OSBPL8: variants seen among roughly 807,000 people sequenced by gnomAD.
The protein encoded by OSBPL8 is oxysterol binding protein like 8, also known as oxysterol-binding protein-related protein 8.
A neutral mutation model predicts 125.5 loss-of-function variants in OSBPL8; 59 were observed. The observed-to-expected ratio is 0.47, with a 90% CI of 0.38 to 0.58. The LOEUF is 0.58. Ranked by LOEUF, OSBPL8 falls within the 20% of genes least tolerant of loss-of-function variation. OSBPL8 has a pLI of 0.00. For missense variants in OSBPL8, 758 were observed against 1,047.8 expected (o/e 0.72, Z 3.82); for synonymous variants, 330 against 338.9 (o/e 0.97, Z 0.29).
chr12:76,363,039 A>C (rs1206660489), intron 21 of OSBPL8, among the ~76,000 whole-genome samples: 1 of 152,244 alleles, frequency 6.6e-6, no homozygotes, highest in Non-Finnish European at 1.5e-5. Context: ...AGAGGACACA[A>C]ACAAATGGAA....
intron 4 of OSBPL8, among the ~76,000 whole-genome samples, chr12:76,442,968 TATC>T (rs1272418332): frequency 6.6e-6 from 1 of 152,178 alleles, no homozygotes; most frequent in South Asian, 2.1e-4. Flanking sequence ...GATATTGACT[TATC>T]ATATTTTTAG....
At chr12:76,546,375 T>C (rs1417867005) in intron 1 of OSBPL8, among the ~76,000 whole-genome samples, 3 of 152,172 alleles carry the variant, frequency 2.0e-5, no homozygotes, top group African/African-American at 7.2e-5. Flanking sequence ...AATGACAGGG[T>C]ATTTTTTTAA....
At chr12:76,400,658 T>C (rs1319984953) in intron 6 of OSBPL8, among the ~76,000 whole-genome samples, 2 of 152,168 alleles carry the variant, frequency 1.3e-5, no homozygotes, top group African/African-American at 2.4e-5. Context: ...TAAACCGCTG[T>C]AGAATTCCAG....
intron 1 of OSBPL8, among the ~76,000 whole-genome samples, chr12:76,551,196 A>G (rs1950926442): frequency 6.6e-6 from 1 of 152,186 alleles, no homozygotes; most frequent in South Asian, 2.1e-4. Context: ...CATGAACCTT[A>G]CCCAACCCCT....
intron 4 of OSBPL8, among the ~76,000 whole-genome samples, chr12:76,421,888 T>C (rs933557442): frequency 6.9e-6 from 1 of 144,858 alleles, no homozygotes; most frequent in Non-Finnish European, 1.6e-5. Flanking sequence ...GCCTAATAAA[T>C]ATAACCCTAA....
chr12:76,454,918 T>G (rs1445230451), intron 3 of OSBPL8, among the ~76,000 whole-genome samples: 2 of 151,998 alleles, frequency 1.3e-5, no homozygotes, highest in Non-Finnish European at 2.9e-5. Context: ...AGTCATGCCC[T>G]CTTGGGGCAG....
rs1873305781 is a variant in OSBPL8, at chr12:76,450,838, C to T, written c.217+13G>A. 6.3e-7 allele frequency: 1 copy of T among 1,590,506 alleles called. No homozygotes were observed. The highest frequency in any genetic ancestry group is 8.6e-7 in the Non-Finnish European group (1 of 1,169,066). On this transcript the variant is annotated intron_variant, in intron 4 of 23. Transcript: ENST00000261183. ...CAAAAACAAGACAAAACATGAAAAC[C>T]ACAACTTCCTACCCTGGCTATGAGG...
chr12:76,519,790 T>A (rs1019086237), intron 1 of OSBPL8, among the ~76,000 whole-genome samples: 2 of 152,072 alleles, frequency 1.3e-5, no homozygotes, highest in African/African-American at 4.8e-5. Context: ...CCCAGACTCT[T>A]TTAAACAACC....
At chr12:76,431,681 T>G (rs751918128) in intron 4 of OSBPL8, among the ~76,000 whole-genome samples, 1 of 152,170 alleles carries the variant, frequency 6.6e-6, no homozygotes, top group East Asian at 1.9e-4. Context: ...ATAAAATGGC[T>G]AATTCAATAG....
rs80080817 is a variant in OSBPL8, at chr12:76,540,276, A to C, written c.-68+19121T>G. On this transcript the variant is annotated intron_variant, in intron 1 of 23. Transcript: ENST00000261183. The stretch of plus-strand genomic sequence containing the variant: ...ATCACAAAATGAACACAAAAGGGTT[A>C]AGTGACTACTTGCCCAAGATCCCAG... Among the ~76,000 whole-genome samples, 538 of 152,284 alleles carry C rather than the reference A, an allele frequency of 3.5e-3. 3 individuals carry two copies. Among genetic ancestry groups the C allele is most frequent in the Non-Finnish European group, 6.1e-3 (415 of 68,026 alleles).
intron 2 of OSBPL8, among the ~76,000 whole-genome samples, chr12:76,464,392 C>T (rs1875131873): frequency 1.3e-5 from 2 of 151,986 alleles, no homozygotes; most frequent in Admixed American, 6.6e-5. Context: ...ATAAGTACAT[C>T]GATAAGATAT....
chr12:76,493,974 A>G (rs762222499), intron 1 of OSBPL8, among the ~76,000 whole-genome samples: 1 of 151,484 alleles, frequency 6.6e-6, no homozygotes, highest in Non-Finnish European at 1.5e-5. Context: ...TGCTGTTAAC[A>G]GTCTCTATTG....
chr12:76,386,179 T>C lies in OSBPL8; in HGVS notation c.1522A>G (p.Ile508Val). Reference protein sequence around the residue: ...HPRTNSKTFYIAEQVSHHPPI... With the variant: ...HPRTNSKTFYVAEQVSHHPPI... ...TGCATTTCTAATACCTGTTCAGCAATATAAAAAGTTTTGCTGTTTGTTCTG... is the reference window on the plus strand; with the variant it reads ...TGCATTTCTAATACCTGTTCAGCAACATAAAAAGTTTTGCTGTTTGTTCTG... Residue 508 changes from isoleucine (I) to valine (V), a missense_variant, in exon 14 of 24, where the codon ATT becomes GTT. Ile to Val is a conservative substitution (Grantham distance 29). Coordinates refer to ENST00000261183, the MANE Select transcript of OSBPL8 (RefSeq NM_020841.5). 1.2e-6 allele frequency: 2 copies of C among 1,610,594 alleles called. No homozygotes were observed. The highest frequency in any genetic ancestry group is 1.7e-6 in the Non-Finnish European group (2 of 1,178,824).
chr12:76,424,856 A>G (rs886791088), intron 4 of OSBPL8, among the ~76,000 whole-genome samples: 2 of 152,164 alleles, frequency 1.3e-5, no homozygotes, highest in Non-Finnish European at 2.9e-5. Flanking sequence ...ACAAATATCT[A>G]TATATATCCC....
At chr12:76,536,426 T>C (rs1182318028) in intron 1 of OSBPL8, among the ~76,000 whole-genome samples, 1 of 152,052 alleles carries the variant, frequency 6.6e-6, no homozygotes, top group Non-Finnish European at 1.5e-5. Flanking sequence ...TAATTTTGTC[T>C]GTAAAAATGG....
In OSBPL8 at chr12:76,390,652, T is replaced by G; in HGVS notation, c.935A>C (p.Asn312Thr). ...NLHSGDNFQL[N>T]DSEIERQHFK... ...ATGTTGTCGTTCAATTTCACTATCATTTAACCTTAAGGGAAAGAATTTTTA... is the reference window on the plus strand; with the variant it reads ...ATGTTGTCGTTCAATTTCACTATCAGTTAACCTTAAGGGAAAGAATTTTTA... Residue 312 changes from asparagine (N) to threonine (T), a missense_variant, in exon 11 of 24, where the codon AAT (asparagine) becomes ACT (threonine). Transcript: ENST00000261183. 6.2e-7 allele frequency: 1 copy of G among 1,604,310 alleles called. No individual in the cohort carries two copies. The highest frequency in any genetic ancestry group is 8.5e-7 in the Non-Finnish European group (1 of 1,171,924).
chr12:76,453,348 T>C (rs937735895), intron 3 of OSBPL8, among the ~76,000 whole-genome samples: 10 of 152,204 alleles, frequency 6.6e-5, no homozygotes, highest in African/African-American at 1.9e-4. Flanking sequence ...CCAAGATTCA[T>C]TTGATTCCTA....
chr12:76,503,281 G>A (rs1880087915), intron 1 of OSBPL8, among the ~76,000 whole-genome samples: 1 of 152,182 alleles, frequency 6.6e-6, no homozygotes, highest in South Asian at 2.1e-4. Flanking sequence ...TTTCTTCAGA[G>A]ACCTTTCTCC....
At chr12:76,438,574 A>G (rs1871785544) in intron 4 of OSBPL8, among the ~76,000 whole-genome samples, 1 of 152,174 alleles carries the variant, frequency 6.6e-6, no homozygotes, top group African/African-American at 2.4e-5. Flanking sequence ...AAAATTTGAA[A>G]TATTTGAGAT....
Sources: allele counts gnomAD v4.1 joint callset (sites outside exome capture counted in the v4.1 genomes callset), GRCh38; gene constraint gnomAD v4.1.1; transcripts MANE v1.5; gene names NCBI Gene and HGNC (gene_info 2026-07-23, HGNC 2026-07-21).